L3MBTL4: variants seen among roughly 807,000 people sequenced by gnomAD.
The protein encoded by L3MBTL4 is lethal(3)malignant brain tumor-like protein 4.
A neutral mutation model predicts 84.5 loss-of-function variants in L3MBTL4; 70 were observed. The observed-to-expected ratio is 0.83, with a 90% CI of 0.68 to 1.01. The LOEUF is 1.01. Among genes scored for constraint, L3MBTL4 ranks in the 50% least tolerant of loss-of-function variants. L3MBTL4 has a pLI of 0.00. For missense variants in L3MBTL4, 715 were observed against 754.8 expected, an observed-to-expected ratio of 0.95 and a Z score of 0.62; for synonymous variants, 274 against 259.8, an observed-to-expected ratio of 1.05 and a Z score of -0.52.
chr18:5,972,922 T>G lies in L3MBTL4; in HGVS notation c.1445-3360A>C, dbSNP rs201631601. 4.4e-4 allele frequency among the ~76,000 whole-genome samples: 13 copies of G among 29,298 alleles called. No homozygotes were observed. The East Asian group carries it at 4.6e-3, about 10-fold the overall frequency. The allele number at this position is 29,298 out of a possible 152,430, so 19.2% of individuals were successfully genotyped here. On this transcript the variant is annotated intron_variant, in intron 16 of 18. Transcript: ENST00000317931. ...TAGAATAGAATAGAATAGAATAGAATAGAATAGAATAGAATAGAATAGAAT... is the reference window on the plus strand; with the variant it reads ...TAGAATAGAATAGAATAGAATAGAAGAGAATAGAATAGAATAGAATAGAAT...
At chr18:6,379,261 A>C (rs2054500046) in intron 1 of L3MBTL4, among the ~76,000 whole-genome samples, 1 of 152,202 alleles carries the variant, frequency 6.6e-6, no homozygotes, top group Non-Finnish European at 1.5e-5. Context: ...TGTTATCTGC[A>C]AACAGGGACA....
intron 1 of L3MBTL4, among the ~76,000 whole-genome samples, chr18:6,354,896 T>C (rs1229821552): frequency 2.0e-5 from 3 of 152,092 alleles, no homozygotes; most frequent in South Asian, 2.1e-4. Flanking sequence ...AAATTAAAAA[T>C]AGAGTTACCA....
At chr18:5,956,964 T>C (rs2095230796) in intron 18 of L3MBTL4, among the ~76,000 whole-genome samples, 1 of 152,164 alleles carries the variant, frequency 6.6e-6, no homozygotes, top group Non-Finnish European at 1.5e-5. Flanking sequence ...TAGAGAAAGA[T>C]TTCAGTTTTA....
At chr18:6,138,800 C>T (rs568551902) in intron 13 of L3MBTL4, among the ~76,000 whole-genome samples, 1 of 152,192 alleles carries the variant, frequency 6.6e-6, no homozygotes, top group South Asian at 2.1e-4. Flanking sequence ...AATCTGCCCA[C>T]CTCAGCCTCC....
intron 16 of L3MBTL4, among the ~76,000 whole-genome samples, chr18:6,053,329 C>A (rs1326677631): frequency 3.9e-5 from 6 of 152,042 alleles, no homozygotes; most frequent in Non-Finnish European, 8.8e-5. Context: ...TAAGAGGATG[C>A]GAAAATAAGT....
intron 5 of L3MBTL4, chr18:6,256,915 G>T (rs1406223310): frequency 6.6e-6 from 1 of 152,358 alleles, no homozygotes; most frequent in Admixed American, 6.5e-5. Flanking sequence ...GCCAGGCTGG[G>T]CTAGTGTTCT....
At position 6,387,797 on chromosome 18, in the gene L3MBTL4, G is replaced by A. The variant is rs544117628; in HGVS notation, c.-91+27004C>T. On this transcript the variant is annotated intron_variant, in intron 1 of 18. Coordinates refer to ENST00000317931, the MANE Select transcript of L3MBTL4 (RefSeq NM_001330559.2). ...AAAGCCCCTAATCGTGATGAGTAGG[G>A]AGCCAAAGAAGCTGTCAAAAATTTG... Among the ~76,000 whole-genome samples, 8 of 152,320 alleles carry A rather than the reference G, an allele frequency of 5.3e-5. No homozygotes were observed. In the South Asian group the frequency reaches 1.7e-3, roughly 32 times the overall value.
rs8091442 is a variant in L3MBTL4 at position 5,960,047 on chromosome 18, T to C, written c.1677+47A>G. ...ATACATATATATATATACACACACA[T>C]ATATATATATATACATATATATATA... On this transcript the variant is annotated intron_variant, in intron 18 of 18. Coordinates refer to ENST00000317931, the MANE Select transcript of L3MBTL4 (RefSeq NM_001330559.2). 1,055 of 204,196 alleles carry C rather than the reference T, an allele frequency of 5.2e-3. 25 individuals are homozygous for C. In the African/African-American group the frequency reaches 0.087, roughly 17 times the overall value. 12.6% of individuals were successfully genotyped at this position (204,196 alleles called of 1,614,324 possible). A position where few individuals can be genotyped will look rare whatever the true frequency, so the allele number is the denominator to read the frequency against.
intron 5 of L3MBTL4, among the ~76,000 whole-genome samples, chr18:6,247,879 G>A (rs1217693465): frequency 6.6e-6 from 1 of 151,866 alleles, no homozygotes; most frequent in Non-Finnish European, 1.5e-5. Flanking sequence ...ATACTACATG[G>A]ATGTGTTGTG....
chr18:6,388,703 T>A (rs969218160), intron 1 of L3MBTL4, among the ~76,000 whole-genome samples: 1 of 152,202 alleles, frequency 6.6e-6, no homozygotes, highest in African/African-American at 2.4e-5. Flanking sequence ...AAAACATTCA[T>A]GGATATTTGT....
At chr18:6,021,744 C>T (rs1263810625) in intron 16 of L3MBTL4, among the ~76,000 whole-genome samples, 3 of 152,128 alleles carry the variant, frequency 2.0e-5, no homozygotes, top group Non-Finnish European at 4.4e-5. Flanking sequence ...CACCTCTGGT[C>T]CCAGTTCTCC....
chr18:6,214,734 C>A (rs1206043424), intron 11 of L3MBTL4, among the ~76,000 whole-genome samples: 1 of 152,196 alleles, frequency 6.6e-6, no homozygotes, highest in Non-Finnish European at 1.5e-5. Context: ...CTGTCCTGAA[C>A]AACAGAGGTA....
intron 1 of L3MBTL4, among the ~76,000 whole-genome samples, chr18:6,402,474 T>C (rs1357635106): frequency 2.0e-5 from 3 of 152,176 alleles, no homozygotes; most frequent in African/African-American, 7.2e-5. Flanking sequence ...ATAACATCCA[T>C]ATAAGTGGTC....
chr18:6,238,511 C>A (rs2047313685), intron 9 of L3MBTL4, among the ~76,000 whole-genome samples: 1 of 151,564 alleles, frequency 6.6e-6, no homozygotes, highest in African/African-American at 2.4e-5. Flanking sequence ...CCAGCCTGGG[C>A]AACAGAGCGA....
At chr18:5,964,994 T>C (rs556351883) in intron 17 of L3MBTL4, among the ~76,000 whole-genome samples, 1 of 152,316 alleles carries the variant, frequency 6.6e-6, no homozygotes, top group East Asian at 1.9e-4. Context: ...TCCCTACTCA[T>C]AAAAGCTTAT....
chr18:6,030,266 A>G (rs950872182), intron 16 of L3MBTL4: 16 of 982,174 alleles, frequency 1.6e-5, no homozygotes, highest in Non-Finnish European at 1.8e-5. Flanking sequence ...ACCCCCTTAT[A>G]CCTGTTGAAT....
At chr18:6,150,524 C>T (rs1057279977) in intron 13 of L3MBTL4, among the ~76,000 whole-genome samples, 2 of 152,162 alleles carry the variant, frequency 1.3e-5, no homozygotes, top group Non-Finnish European at 2.9e-5. Context: ...AAATCTAACT[C>T]TACAATTAAT....
In L3MBTL4 at chr18:6,404,362, T is replaced by C. The variant is rs341238; in HGVS notation, c.-91+10439A>G. Among the ~76,000 whole-genome samples the C allele has an allele frequency of 3.1e-3, 465 of 152,216 alleles. 3 individuals carry two copies. Among genetic ancestry groups the C allele is most frequent in the African/African-American group, 0.01 (420 of 41,542 alleles). On this transcript the variant is annotated intron_variant, in intron 1 of 18. Coordinates refer to ENST00000317931, the MANE Select transcript of L3MBTL4 (RefSeq NM_001330559.2). ...TCAACAAACAAATGAAAAAAGAGCA[T>C]AGGGGACAAGTGCACCCCAAGCCAT... is the stretch of plus-strand genomic sequence containing the variant.
chr18:6,356,792 A>T (rs1328694293), intron 1 of L3MBTL4: 1 of 152,224 alleles, frequency 6.6e-6, no homozygotes, highest in East Asian at 1.9e-4. Flanking sequence ...GACTTTATGA[A>T]CACTGTATAC....
Sources: allele counts gnomAD v4.1 joint callset (sites outside exome capture counted in the v4.1 genomes callset), GRCh38; gene constraint gnomAD v4.1.1; transcripts MANE v1.5; gene names NCBI Gene and HGNC (gene_info 2026-07-23, HGNC 2026-07-21).